Variants in LDLRAD3 observed in about 807,000 individuals in gnomAD.
The protein encoded by LDLRAD3 is low-density lipoprotein receptor class A domain-containing protein 3.
In LDLRAD3, 20 loss-of-function variants were observed where a neutral mutation model predicts 29.4. The observed-to-expected ratio is 0.68, with a 90% CI of 0.48 to 0.99. The LOEUF is 0.99. Among genes scored for constraint, LDLRAD3 ranks in the 50% least tolerant of loss-of-function variants. LDLRAD3 has a pLI of 0.00. For synonymous variants in LDLRAD3, 157 were observed against 192.7 expected, an observed-to-expected ratio of 0.81 and a Z score of 1.53; for missense variants, 420 against 454.3, an observed-to-expected ratio of 0.92 and a Z score of 0.69.
intron 1 of LDLRAD3, among the ~76,000 whole-genome samples, chr11:35,973,637 G>T (rs1001281207): frequency 6.8e-6 from 1 of 147,650 alleles, no homozygotes; most frequent in African/African-American, 2.7e-5. Context: ...GCTAATTTTT[G>T]TATTTTTTTT....
chr11:35,950,641 T>C (rs968948991), intron 1 of LDLRAD3, among the ~76,000 whole-genome samples: 3 of 152,200 alleles, frequency 2.0e-5, no homozygotes, highest in Non-Finnish European at 4.4e-5. Flanking sequence ...GGATCATATA[T>C]TAAGTGTCTG....
At position 36,081,701 on chromosome 11, in the gene LDLRAD3, G is replaced by T. The variant is rs760612960; in HGVS notation, c.242G>T (p.Gly81Val). Residue 81 changes from glycine to valine, a missense_variant, in exon 3 of 6, where the codon GGC becomes GTC. Gly to Val is a moderately radical substitution (Grantham distance 109). Transcript: ENST00000315571. ...CCAACCTTCTTCCCCTGTGCCAGCGGCATCCATTGCATCATTGGTCGCTTC... is the reference window on the plus strand; with the variant it reads ...CCAACCTTCTTCCCCTGTGCCAGCGTCATCCATTGCATCATTGGTCGCTTC... ...CGPTFFPCAS[G>V]IHCIIGRFRC... 1.9e-6 allele frequency: 3 copies of T among 1,614,170 alleles called. No homozygotes were observed.
At chr11:35,998,166 C>G (rs1392375473) in intron 1 of LDLRAD3, among the ~76,000 whole-genome samples, 1 of 152,128 alleles carries the variant, frequency 6.6e-6, no homozygotes, top group Admixed American at 6.6e-5. Flanking sequence ...AGGTGTTTAC[C>G]ACCTCCTTTT....
At position 36,230,898 on chromosome 11, in the gene LDLRAD3, CAGAA is replaced by C. The variant is rs978935653; in HGVS notation, c.*1505_*1508del. Reference sequence around the variant, plus strand: ...TTATTTATCAAGTTCTTGAAGGAAGCAGAAAGAGGGACTCCTCTCTCCCTCCGTG... The same window carrying C: ...TTATTTATCAAGTTCTTGAAGGAAGCAGAGGGACTCCTCTCTCCCTCCGTG... On this transcript the variant is annotated 3_prime_UTR_variant, in exon 6 of 6. Coordinates refer to ENST00000315571, the MANE Select transcript of LDLRAD3 (RefSeq NM_174902.4). 1 of 152,402 alleles carries C rather than the reference CAGAA, an allele frequency of 6.6e-6. No homozygotes were observed. Among genetic ancestry groups the C allele is most frequent in the Non-Finnish European group, 1.5e-5 (1 of 68,032 alleles). The allele number at this position is 152,402 out of a possible 1,614,324, so 9.4% of individuals were successfully genotyped here. A position where few individuals can be genotyped will look rare whatever the true frequency, so the allele number is the denominator to read the frequency against.
At chr11:36,082,477 C>T (rs1326828700) in intron 3 of LDLRAD3, among the ~76,000 whole-genome samples, 1 of 152,256 alleles carries the variant, frequency 6.6e-6, no homozygotes, top group Admixed American at 6.5e-5. Flanking sequence ...CACTGCACTC[C>T]AGCCTGGGCA....
intron 2 of LDLRAD3, among the ~76,000 whole-genome samples, chr11:36,036,731 T>C (rs1482611503): frequency 6.6e-6 from 1 of 152,062 alleles, no homozygotes; most frequent in Non-Finnish European, 1.5e-5. Flanking sequence ...CAGCATGGAG[T>C]TGGGACTGAA....
intron 4 of LDLRAD3, among the ~76,000 whole-genome samples, chr11:36,129,466 C>T (rs1228332343): frequency 2.6e-5 from 4 of 152,178 alleles, no homozygotes; most frequent in African/African-American, 4.8e-5. Context: ...TAGGAATGGT[C>T]CTGTCCCAGA....
chr11:36,060,801 A>G (rs933763851), intron 2 of LDLRAD3, among the ~76,000 whole-genome samples: 1 of 152,194 alleles, frequency 6.6e-6, no homozygotes, highest in Non-Finnish European at 1.5e-5. Flanking sequence ...GTAATCATAT[A>G]ATAGTTTGTG....
chr11:36,164,744 T>G (rs1403950271), intron 4 of LDLRAD3, among the ~76,000 whole-genome samples: 1 of 152,248 alleles, frequency 6.6e-6, no homozygotes, highest in East Asian at 1.9e-4. Context: ...AAGTGCAGTG[T>G]TTTGGACAGA....
At chr11:36,070,294 A>G (rs1392749010) in intron 2 of LDLRAD3, among the ~76,000 whole-genome samples, 1 of 152,250 alleles carries the variant, frequency 6.6e-6, no homozygotes. Flanking sequence ...GAACTGAGTA[A>G]GTTTCAAAGC....
At chr11:36,101,824 A>G (rs558878126) in intron 4 of LDLRAD3, 64 of 280,288 alleles carry the variant, frequency 2.3e-4, no homozygotes, top group Non-Finnish European at 3.8e-4. Context: ...GAAGAATCTC[A>G]GAGATAGTTT....
At chr11:36,179,168 G>A (rs1298786168) in intron 4 of LDLRAD3, among the ~76,000 whole-genome samples, 3 of 152,142 alleles carry the variant, frequency 2.0e-5, no homozygotes, top group Non-Finnish European at 2.9e-5. Context: ...TGGAGATTCC[G>A]AATGAAAAGG....
chr11:36,226,640 A>T (rs929251771), intron 4 of LDLRAD3, among the ~76,000 whole-genome samples: 1 of 152,204 alleles, frequency 6.6e-6, no homozygotes, highest in African/African-American at 2.4e-5. Context: ...CAGTTTCGGG[A>T]CATTCCCGTC....
chr11:36,025,160 T>C (rs1852146977), intron 1 of LDLRAD3, among the ~76,000 whole-genome samples: 1 of 152,212 alleles, frequency 6.6e-6, no homozygotes, highest in South Asian at 2.1e-4. Context: ...CATTCCTTTG[T>C]AGTTGGTGGG....
At chr11:35,973,221 G>A (rs1486915289) in intron 1 of LDLRAD3, among the ~76,000 whole-genome samples, 1 of 151,934 alleles carries the variant, frequency 6.6e-6, no homozygotes, top group East Asian at 1.9e-4. Flanking sequence ...ATATTTCAGA[G>A]ATCTCTCTTT....
chr11:36,037,385 G>A (rs75552608), intron 2 of LDLRAD3, among the ~76,000 whole-genome samples: 3,242 of 152,082 alleles, frequency 0.021, 80 homozygotes, highest in East Asian at 0.093. Flanking sequence ...GTGTGATCCC[G>A]GCTCACTGCA....
At chr11:36,015,225 AT>A (rs1852005783) in intron 1 of LDLRAD3, among the ~76,000 whole-genome samples, 2 of 152,172 alleles carry the variant, frequency 1.3e-5, no homozygotes, top group African/African-American at 4.8e-5. Flanking sequence ...CATTTTGGGC[AT>A]TGCAGAAAAG....
At chr11:36,079,661 G>A (rs1168331798) in intron 2 of LDLRAD3, among the ~76,000 whole-genome samples, 1 of 152,184 alleles carries the variant, frequency 6.6e-6, no homozygotes, top group Non-Finnish European at 1.5e-5. Flanking sequence ...AGGCAGCACA[G>A]CAGCGAAGGG....
At chr11:35,958,993 G>A (rs1047167945) in intron 1 of LDLRAD3, among the ~76,000 whole-genome samples, 2 of 152,150 alleles carry the variant, frequency 1.3e-5, no homozygotes, top group African/African-American at 4.8e-5. Flanking sequence ...GCAGCATTGG[G>A]CCTCCAGGCT....
Sources: allele counts gnomAD v4.1 joint callset (sites outside exome capture counted in the v4.1 genomes callset), GRCh38; gene constraint gnomAD v4.1.1; transcripts MANE v1.5; gene names NCBI Gene and HGNC (gene_info 2026-07-23, HGNC 2026-07-21).